GOLGA8B: variants seen among roughly 807,000 people sequenced by gnomAD.
GOLGA8B encodes the protein golgin subfamily A member 8B.
Under a neutral mutation model 15.6 loss-of-function variants are expected in GOLGA8B, and 1 was observed. The ratio of observed to expected loss-of-function variants is 0.06; its 90% CI spans 0.02 to 0.30. The LOEUF (loss-of-function observed/expected upper bound fraction) is 0.30. Ranked by LOEUF, GOLGA8B falls within the 10% of genes least tolerant of loss-of-function variation. The pLI is 1.00. For missense variants in GOLGA8B, 17 were observed against 201.3 expected (o/e 0.08, Z 5.54); for synonymous variants, 9 against 80.3 (o/e 0.11, Z 4.75).
At chr15:34,564,355 TA>T (rs58970262) in intron 1 of GOLGA8B, among the ~76,000 whole-genome samples, 2,679 of 105,590 alleles carry the variant, frequency 0.025, 46 homozygotes, top group African/African-American at 0.056. Context: ...TGTAGATTCT[TA>T]AAAAAAAAAA....
chr15:34,554,523 A>G (rs1888440824), intron 1 of GOLGA8B, among the ~76,000 whole-genome samples: 1 of 125,208 alleles, frequency 8.0e-6, no homozygotes, highest in South Asian at 2.9e-4. Flanking sequence ...AGCCTTCCAC[A>G]CTACATTACA....
At chr15:34,575,328 C>T (rs920407783) in intron 1 of GOLGA8B, among the ~76,000 whole-genome samples, 3 of 151,270 alleles carry the variant, frequency 2.0e-5, no homozygotes, top group African/African-American at 7.3e-5. Context: ...CTCCCCACAC[C>T]CTCCTCTCGC....
At chr15:34,583,306 C>T (rs1889298977) in intron 1 of GOLGA8B, among the ~76,000 whole-genome samples, 1 of 152,072 alleles carries the variant, frequency 6.6e-6, no homozygotes, top group African/African-American at 2.4e-5. Flanking sequence ...GGAGGATGGG[C>T]CGGTCCGAGA....
In GOLGA8B at chr15:34,550,716, A is replaced by T. The variant is rs1888368205; in HGVS notation, c.-575+422T>A. 4.0e-5 allele frequency among the ~76,000 whole-genome samples: 4 copies of T among 101,060 alleles called. 2 individuals are homozygous for T. The highest frequency in any genetic ancestry group is 8.3e-5 in the Non-Finnish European group (4 of 48,358). The allele number at this position is 101,060 out of a possible 152,430, so 66.3% of individuals were successfully genotyped here. On this transcript the variant is annotated intron_variant, in intron 4 of 23. Coordinates refer to ENST00000683415, the MANE Select transcript of GOLGA8B (RefSeq NM_001023567.5). The stretch of plus-strand genomic sequence containing the variant: ...GGCAAGAGAACATATGACCGTGGCT[A>T]GGGACAGTGGCTCATGCCTGTAATC...
Position 34,566,137 on chromosome 15 carries a change from C to T in GOLGA8B, c.-1122-12181G>A, listed in dbSNP as rs1341119896. On this transcript the variant is annotated intron_variant, in intron 1 of 23. Coordinates refer to ENST00000683415, the MANE Select transcript of GOLGA8B (RefSeq NM_001023567.5). ...TTCACTCACATGTGGCACCTGGAGT[C>T]GTCAAATTCAGAGACAGAAAGTAGA... The T allele has an allele frequency of 3.6e-5, 5 of 137,126 alleles. 1 individual carries two copies. The highest frequency in any genetic ancestry group is 7.7e-5 in the African/African-American group (3 of 38,874). 8.5% of individuals were successfully genotyped at this position (137,126 alleles called of 1,614,324 possible).
intron 1 of GOLGA8B, among the ~76,000 whole-genome samples, chr15:34,572,264 T>C (rs981699110): frequency 6.6e-6 from 1 of 152,208 alleles, no homozygotes; most frequent in African/African-American, 2.4e-5. Context: ...CAATATCTGT[T>C]GACACTCTGA....
chr15:34,542,554 CCT>C (rs1420358030), intron 7 of GOLGA8B, among the ~76,000 whole-genome samples: 2 of 151,540 alleles, frequency 1.3e-5, no homozygotes, highest in African/African-American at 4.9e-5. Flanking sequence ...TCAATTTCTC[CCT>C]GTGGTTTTAT....
chr15:34,569,655 T>C (rs1262719244), intron 1 of GOLGA8B, among the ~76,000 whole-genome samples: 2 of 151,828 alleles, frequency 1.3e-5, no homozygotes, highest in Admixed American at 6.6e-5. Flanking sequence ...TAGCTGGTAT[T>C]GATAGCTGTT....
intron 1 of GOLGA8B, among the ~76,000 whole-genome samples, chr15:34,577,990 T>C (rs537459100): frequency 6.6e-6 from 1 of 152,344 alleles, no homozygotes; most frequent in African/African-American, 2.4e-5. Context: ...CCCCATGATA[T>C]TCTTATGGGA....
intron 1 of GOLGA8B, among the ~76,000 whole-genome samples, chr15:34,575,114 A>C (rs1318955196): frequency 1.3e-5 from 2 of 151,410 alleles, no homozygotes; most frequent in Non-Finnish European, 2.9e-5. Context: ...TGTAAAAAAA[A>C]AAAAAAGAAG....
rs1894433524 is a variant in GOLGA8B at position 34,526,033 on chromosome 15, T to G, written c.*1599A>C. ...TCCCAAGCATCATCAAGTTATGATTTAGGCAATGTATGATTGAAATGCATT... is the reference window on the plus strand; with the variant it reads ...TCCCAAGCATCATCAAGTTATGATTGAGGCAATGTATGATTGAAATGCATT... On this transcript the variant is annotated 3_prime_UTR_variant, in exon 24 of 24. Transcript: ENST00000683415. 6.7e-6 allele frequency: 1 copy of G among 149,618 alleles called. No individual in the cohort carries two copies. Among genetic ancestry groups the G allele is most frequent in the Non-Finnish European group, 1.5e-5 (1 of 67,238 alleles). 9.3% of individuals were successfully genotyped at this position (149,618 alleles called of 1,614,324 possible). A position where few individuals can be genotyped will look rare whatever the true frequency, so the allele number is the denominator to read the frequency against.
In GOLGA8B at chr15:34,579,723, C is replaced by A. The variant is rs376452451; in HGVS notation, c.-1123+3793G>T. Among the ~76,000 whole-genome samples the A allele has an allele frequency of 2.9e-4, 44 of 152,180 alleles. No homozygotes were observed. The East Asian group carries it at 5.2e-3, about 18-fold the overall frequency. ...ACAGCTGGGTTCCAGCTCTGGGACT[C>A]GGGAAAAGGAGGCACAGGGAGCAGG... On this transcript the variant is annotated intron_variant, in intron 1 of 23. Coordinates refer to ENST00000683415, the MANE Select transcript of GOLGA8B (RefSeq NM_001023567.5).
chr15:34,550,732 G>A (rs1595701378), intron 4 of GOLGA8B, among the ~76,000 whole-genome samples: 1 of 106,546 alleles, frequency 9.4e-6, no homozygotes, highest in African/African-American at 3.5e-5. Context: ...AGTGGCTCAT[G>A]CCTGTAATCC....
At chr15:34,564,004 C>G (rs148312839) in intron 1 of GOLGA8B, among the ~76,000 whole-genome samples, 22,662 of 123,876 alleles carry the variant, frequency 0.18, 2,434 homozygotes, top group Admixed American at 0.3. Context: ...TTTCTAAGAT[C>G]TAGGATGTAG....
chr15:34,560,179 AT>A (rs1463338044), intron 1 of GOLGA8B, among the ~76,000 whole-genome samples: 5 of 149,632 alleles, frequency 3.3e-5, no homozygotes, highest in Non-Finnish European at 5.9e-5. Flanking sequence ...TGTGAGTGTC[AT>A]TAAAATAAAC....
intron 1 of GOLGA8B, among the ~76,000 whole-genome samples, chr15:34,566,653 C>A (rs1432845457): frequency 6.8e-6 from 1 of 146,132 alleles, no homozygotes; most frequent in Non-Finnish European, 1.5e-5. Flanking sequence ...ACGGGGGCTG[C>A]CCTGTTGACA....
intron 1 of GOLGA8B, among the ~76,000 whole-genome samples, chr15:34,567,994 C>A (rs1313668828): frequency 6.6e-6 from 1 of 151,060 alleles, no homozygotes; most frequent in African/African-American, 2.5e-5. Flanking sequence ...TCATGCCCAG[C>A]TAACCTGGGA....
intron 1 of GOLGA8B, among the ~76,000 whole-genome samples, chr15:34,582,469 G>T (rs1889265648): frequency 6.6e-6 from 1 of 152,260 alleles, no homozygotes; most frequent in South Asian, 2.1e-4. Flanking sequence ...CAAAGTGCCA[G>T]ACGCAAGATG....
Position 34,577,560 on chromosome 15 carries a change from A to ACT in GOLGA8B, c.-1123+5955_-1123+5956insAG, listed in dbSNP as rs1491292911. ...CACACACACACACACACACACACAC[A>ACT]GATGCGTCACTTAATGACAGGGATG... On this transcript the variant is annotated intron_variant, in intron 1 of 23. Coordinates refer to ENST00000683415, the MANE Select transcript of GOLGA8B (RefSeq NM_001023567.5). Among the ~76,000 whole-genome samples, 659 of 142,014 alleles carry ACT rather than the reference A, an allele frequency of 4.6e-3. 11 individuals carry two copies. The highest frequency in any genetic ancestry group is 0.021 in the Admixed American group (302 of 14,294). The allele number at this position is 142,014 out of a possible 152,430, so 93.2% of individuals were successfully genotyped here.
Sources: gnomAD v4.1 joint callset for allele counts (sites outside exome capture counted in the v4.1 genomes callset) on GRCh38, gnomAD v4.1.1 for gene constraint, MANE v1.5 for transcripts, NCBI Gene and HGNC (gene_info 2026-07-23, HGNC 2026-07-21) for gene names.